Variants in SPAG16 observed in about 807,000 individuals in gnomAD.
SPAG16 encodes sperm associated antigen 16, also known as sperm-associated antigen 16 protein.
In SPAG16, 86 loss-of-function variants were observed where a neutral mutation model predicts 80.4. That is an observed-to-expected ratio of 1.07 (90% CI 0.90 to 1.28). The LOEUF is 1.28. Among genes scored for constraint, SPAG16 ranks in the 50% most tolerant of loss-of-function variants. The pLI, the probability that SPAG16 is intolerant of heterozygous loss-of-function variation, is 0.00. For synonymous variants in SPAG16, 294 were observed against 265.9 expected (o/e 1.11, Z -1.03); for missense variants, 870 against 765.3 (o/e 1.14, Z -1.61).
intron 10 of SPAG16, among the ~76,000 whole-genome samples, chr2:213,508,218 G>C (rs2075051418): frequency 6.6e-6 from 1 of 152,170 alleles, no homozygotes; most frequent in African/African-American, 2.4e-5. Context: ...GTCCAACAAT[G>C]ATAGACTGGA....
intron 14 of SPAG16, among the ~76,000 whole-genome samples, chr2:214,109,648 A>T (rs139618905): frequency 4.5e-4 from 68 of 152,326 alleles, no homozygotes; most frequent in African/African-American, 1.6e-3. Flanking sequence ...TGTCATTGTC[A>T]GGCCTGGGAA....
chr2:214,367,132 A>G (rs991610727), intron 15 of SPAG16, among the ~76,000 whole-genome samples: 47 of 152,202 alleles, frequency 3.1e-4, no homozygotes, highest in Non-Finnish European at 5.6e-4. Flanking sequence ...TTAAAATGCC[A>G]TATCAAGGAA....
chr2:213,399,231 C>T (rs1477324111), intron 9 of SPAG16, among the ~76,000 whole-genome samples: 2 of 152,018 alleles, frequency 1.3e-5, no homozygotes, highest in Non-Finnish European at 2.9e-5. Flanking sequence ...GATGTTTCAA[C>T]ACAAGGAATG....
rs115213280 is a variant in SPAG16, at chr2:213,378,979, C to T, written c.942+3860C>T. 1.6e-3 allele frequency among the ~76,000 whole-genome samples: 247 copies of T among 152,310 alleles called. 1 individual carries two copies. The highest frequency in any genetic ancestry group is 5.8e-3 in the African/African-American group (242 of 41,562). ...TTTCATCTTGATAGTCTGGGCCAAT[C>T]ACCCCAGCCAAGACTGTAACTCCCT... On this transcript the variant is annotated intron_variant, in intron 9 of 15. Coordinates refer to ENST00000331683, the MANE Select transcript of SPAG16 (RefSeq NM_024532.5).
rs191336672 is a variant in SPAG16, at chr2:213,318,378, C to T, written c.536+1022C>T. On this transcript the variant is annotated intron_variant, in intron 5 of 15. Coordinates refer to ENST00000331683, the MANE Select transcript of SPAG16 (RefSeq NM_024532.5). ...ACATGGGTGGAACTCGAGGCCCTCA[C>T]CCTTAGTGAAATGACTCAGAAACAG... 1.6e-4 allele frequency among the ~76,000 whole-genome samples: 24 copies of T among 152,024 alleles called. No individual in the cohort carries two copies. In the East Asian group the frequency reaches 4.4e-3, roughly 28 times the overall value.
chr2:214,231,663 A>G (rs10469774), intron 15 of SPAG16, among the ~76,000 whole-genome samples: 16,735 of 152,120 alleles, frequency 0.11, 1,117 homozygotes, highest in East Asian at 0.19. Flanking sequence ...AAAAGAGGTG[A>G]TAGGATAAGG....
At chr2:213,297,502 T>C (rs757542389) in intron 3 of SPAG16, 145 bp downstream of exon 3, 1 of 511,990 alleles carries the variant, frequency 2.0e-6, no homozygotes, top group Non-Finnish European at 3.5e-6. Context: ...GATCAAGCCT[T>C]CACTTTAAGG....
chr2:214,025,291 C>T (rs2048072421), intron 13 of SPAG16, among the ~76,000 whole-genome samples: 1 of 151,542 alleles, frequency 6.6e-6, no homozygotes, highest in Non-Finnish European at 1.5e-5. Flanking sequence ...GTGTTGCTGT[C>T]ACTTTCAAGA....
intron 10 of SPAG16, among the ~76,000 whole-genome samples, chr2:213,771,209 C>G (rs963009279): frequency 6.6e-6 from 1 of 152,128 alleles, no homozygotes; most frequent in Non-Finnish European, 1.5e-5. Context: ...CTCTAATGAT[C>G]AATGATGCTG....
intron 5 of SPAG16, among the ~76,000 whole-genome samples, chr2:213,323,834 A>G (rs543334512): frequency 5.5e-4 from 84 of 152,352 alleles, no homozygotes; most frequent in Middle Eastern, 3.4e-3. Flanking sequence ...GAGGACATGC[A>G]TGAACCTTGA....
At chr2:214,054,340 C>T (rs1453879307) in intron 13 of SPAG16, among the ~76,000 whole-genome samples, 1 of 152,092 alleles carries the variant, frequency 6.6e-6, no homozygotes, top group Non-Finnish European at 1.5e-5. Flanking sequence ...TTCTAAAACC[C>T]TATATCTCCT....
At chr2:214,020,765 C>T (rs990076668) in intron 13 of SPAG16, among the ~76,000 whole-genome samples, 2 of 152,126 alleles carry the variant, frequency 1.3e-5, no homozygotes, top group Admixed American at 1.3e-4. Context: ...TCCTCTTGTT[C>T]TGAGGTCAAT....
At chr2:213,874,094 G>T (rs1489027259) in intron 11 of SPAG16, among the ~76,000 whole-genome samples, 1 of 152,016 alleles carries the variant, frequency 6.6e-6, no homozygotes. Context: ...CTTGTTTAGG[G>T]CATTTACCAT....
chr2:214,074,090 A>C (rs2050941693), intron 13 of SPAG16, among the ~76,000 whole-genome samples: 1 of 152,188 alleles, frequency 6.6e-6, no homozygotes, highest in South Asian at 2.1e-4. Context: ...AAAATGGAAC[A>C]CAAGGGAGTT....
At chr2:213,985,021 T>C (rs1043059322) in intron 12 of SPAG16, among the ~76,000 whole-genome samples, 1 of 152,128 alleles carries the variant, frequency 6.6e-6, no homozygotes. Context: ...AGTTTAAGCA[T>C]GTCTTAAATA....
chr2:213,942,073 T>A (rs1212615129), intron 12 of SPAG16, among the ~76,000 whole-genome samples: 2 of 152,164 alleles, frequency 1.3e-5, no homozygotes, highest in African/African-American at 4.8e-5. Flanking sequence ...TTCCTCTTCT[T>A]TTCTTCTTCC....
chr2:213,752,423 C>T (rs1396939191), intron 10 of SPAG16, among the ~76,000 whole-genome samples: 1 of 152,080 alleles, frequency 6.6e-6, no homozygotes, highest in Non-Finnish European at 1.5e-5. Flanking sequence ...CCATTCTTTC[C>T]TCCACTTCTG....
At chr2:213,470,993 A>C (rs902249120) in intron 9 of SPAG16, among the ~76,000 whole-genome samples, 1 of 152,104 alleles carries the variant, frequency 6.6e-6, no homozygotes. Context: ...ATAATCACAC[A>C]TCTGGCCATT....
At chr2:213,737,505 T>TTTTTTTA (rs2067338579) in intron 10 of SPAG16, among the ~76,000 whole-genome samples, 1 of 151,156 alleles carries the variant, frequency 6.6e-6, no homozygotes, top group African/African-American at 2.4e-5. Context: ...TTTTTTTTTT[T>TTTTTTTA]GAGACGGAGT....
Sources: gnomAD v4.1 joint callset for allele counts (sites outside exome capture counted in the v4.1 genomes callset) on GRCh38, gnomAD v4.1.1 for gene constraint, MANE v1.5 for transcripts, NCBI Gene and HGNC (gene_info 2026-07-23, HGNC 2026-07-21) for gene names.